Variants in DPH6 observed in about 807,000 individuals in gnomAD.
DPH6 encodes diphthamine biosynthesis 6, also known as diphthine--ammonia ligase.
DPH6 carries 33 observed loss-of-function variants against 38.2 expected under a neutral mutation model. That is an observed-to-expected ratio of 0.86 (90% confidence interval 0.65 to 1.15). The LOEUF (loss-of-function observed/expected upper bound fraction) is 1.15. DPH6 is among the 50% of genes most tolerant of loss of function. The pLI, the probability that DPH6 is intolerant of heterozygous loss-of-function variation, is 0.00. For missense variants in DPH6, 325 were observed against 320.0 expected (o/e 1.02, Z -0.12); for synonymous variants, 108 against 103.0 (o/e 1.05, Z -0.30).
chr15:35,351,233 G>A (rs1433509045), intron 3 of DPH6, among the ~76,000 whole-genome samples: 1 of 151,970 alleles, frequency 6.6e-6, no homozygotes, highest in Non-Finnish European at 1.5e-5. Context: ...CTGTCATTTG[G>A]TTACCATTAG....
chr15:35,204,738 T>C, the DPH6 span, among the ~76,000 whole-genome samples: 1 of 151,974 alleles, frequency 6.6e-6, no homozygotes, highest in African/African-American at 2.4e-5. Flanking sequence ...AAAGAAGTGA[T>C]ATAACATAGT....
At chr15:35,167,843 G>A in the DPH6 span, among the ~76,000 whole-genome samples, 1 of 152,016 alleles carries the variant, frequency 6.6e-6, no homozygotes, top group Non-Finnish European at 1.5e-5. Flanking sequence ...TGATGGGATT[G>A]TGGATAAGGG....
intron 6 of DPH6, among the ~76,000 whole-genome samples, chr15:35,393,067 A>T (rs1177001101): frequency 1.3e-5 from 2 of 152,204 alleles, no homozygotes; most frequent in Non-Finnish European, 2.9e-5. Context: ...ACCCACGGAG[A>T]GGTTTTAAGC....
At chr15:35,499,252 C>A (rs910357078) in intron 3 of DPH6, among the ~76,000 whole-genome samples, 1 of 152,146 alleles carries the variant, frequency 6.6e-6, no homozygotes, top group Non-Finnish European at 1.5e-5. Context: ...GAAGTTATGA[C>A]TAGAACCAAA....
intron 3 of DPH6, among the ~76,000 whole-genome samples, chr15:35,348,791 T>A (rs1479491651): frequency 6.6e-6 from 1 of 152,154 alleles, no homozygotes; most frequent in African/African-American, 2.4e-5. Context: ...CGGGATGTCT[T>A]CCCCTTTATT....
intron 5 of DPH6, among the ~76,000 whole-genome samples, chr15:35,435,943 CT>C (rs992411258): frequency 6.6e-6 from 1 of 151,752 alleles, no homozygotes; most frequent in Non-Finnish European, 1.5e-5. Context: ...CATTTTCCTT[CT>C]TTTTTTTGGG....
downstream of DPH6, among the ~76,000 whole-genome samples, chr15:35,214,017 CAGG>C (rs1399090528): frequency 6.6e-6 from 1 of 151,272 alleles, no homozygotes; most frequent in Non-Finnish European, 1.5e-5. Context: ...GAGGCTGAGG[CAGG>C]AGAATGGCGT....
intron 3 of DPH6, among the ~76,000 whole-genome samples, chr15:35,499,371 T>C (rs888600585): frequency 6.6e-6 from 1 of 152,202 alleles, no homozygotes; most frequent in Admixed American, 6.5e-5. Context: ...AATTAATCTT[T>C]TGGTTACAAA....
chr15:35,148,075 A>G, the DPH6 span, among the ~76,000 whole-genome samples: 1 of 152,244 alleles, frequency 6.6e-6, no homozygotes, highest in Admixed American at 6.5e-5. Context: ...GGTTATATTT[A>G]TCTACAATTA....
chr15:35,342,736 G>A (rs1057473387), intron 3 of DPH6, among the ~76,000 whole-genome samples: 33 of 152,260 alleles, frequency 2.2e-4, no homozygotes, highest in African/African-American at 7.5e-4. Context: ...ATATTTTCCT[G>A]TAAAACTAGC....
chr15:35,258,730 T>C (rs1253593308), intron 3 of DPH6, among the ~76,000 whole-genome samples: 3 of 152,300 alleles, frequency 2.0e-5, no homozygotes, highest in Admixed American at 6.5e-5. Flanking sequence ...TTTATAAAGT[T>C]TCCTAAGGAC....
chr15:35,509,392 T>C (rs1010948310), intron 3 of DPH6, among the ~76,000 whole-genome samples: 3 of 152,236 alleles, frequency 2.0e-5, no homozygotes, highest in African/African-American at 7.2e-5. Flanking sequence ...ACCTGAAAGA[T>C]TATTTTCAGT....
chr15:35,313,648 G>T (rs2052163019), intron 3 of DPH6, among the ~76,000 whole-genome samples: 1 of 151,724 alleles, frequency 6.6e-6, no homozygotes, highest in Non-Finnish European at 1.5e-5. Flanking sequence ...GTTTGTTGTT[G>T]GTGTATATAA....
intron 3 of DPH6, among the ~76,000 whole-genome samples, chr15:35,465,666 T>C (rs1451702811): frequency 6.6e-6 from 1 of 152,154 alleles, no homozygotes; most frequent in Admixed American, 6.5e-5. Flanking sequence ...GTTTTTTTCT[T>C]AAAATCATCA....
chr15:35,367,255 A>G (rs2052669317), downstream of DPH6, among the ~76,000 whole-genome samples: 1 of 151,904 alleles, frequency 6.6e-6, no homozygotes, highest in African/African-American at 2.4e-5. Flanking sequence ...AAAGTAGGGA[A>G]CATTAATAAA....
intron 4 of DPH6, among the ~76,000 whole-genome samples, chr15:35,453,743 AT>A (rs1260957557): frequency 1.3e-5 from 2 of 151,778 alleles, no homozygotes; most frequent in African/African-American, 2.4e-5. Flanking sequence ...AAAATTCTGT[AT>A]TTTTTTTAAC....
In DPH6 at chr15:35,381,864, G is replaced by A. The variant is rs974276367; in HGVS notation, c.620C>T (p.Thr207Ile). The A allele has an allele frequency of 1.2e-6, 2 of 1,613,680 alleles. No individual in the cohort carries two copies. Among genetic ancestry groups the A allele is most frequent in the Non-Finnish European group, 1.7e-6 (2 of 1,179,736 alleles). Residue 207 changes from threonine (T) to isoleucine (I), a missense_variant, in exon 7 of 9, where the codon ACT becomes ATT. Thr to Ile is a moderately conservative substitution (Grantham distance 89). Transcript: ENST00000256538. ...HVCGEGGEYE[T>I]FTLDCPLFKK... The stretch of plus-strand genomic sequence containing the variant: ...AAATAGAGGGCAATCCAAAGTGAAA[G>A]TTTCATACTCTCCACCTTCTCCACA...
chr15:35,411,232 T>C (rs1217091903), intron 5 of DPH6, among the ~76,000 whole-genome samples: 1 of 151,766 alleles, frequency 6.6e-6, no homozygotes, highest in African/African-American at 2.4e-5. Context: ...TAATTCTTTA[T>C]ATTTTAATGG....
Position 35,452,162 on chromosome 15 carries a change from TACC to T in DPH6, c.387-1362_387-1360del, listed in dbSNP as rs1191466434. 7.2e-5 allele frequency among the ~76,000 whole-genome samples: 3 copies of T among 41,502 alleles called. No individual in the cohort carries two copies. In the East Asian group the frequency reaches 2.3e-3, roughly 32 times the overall value. 27.2% of individuals were successfully genotyped at this position (41,502 alleles called of 152,430 possible). ...TACTTATTCTCTTCTCACTCCATCC[TACC>T]ACTCACTGCTGCCTGCTCATTCTTG... is the stretch of plus-strand genomic sequence containing the variant. On this transcript the variant is annotated intron_variant, in intron 4 of 8. Coordinates refer to ENST00000256538, the MANE Select transcript of DPH6 (RefSeq NM_080650.4).
Sources: gnomAD v4.1 joint callset for allele counts (sites outside exome capture counted in the v4.1 genomes callset) on GRCh38, gnomAD v4.1.1 for gene constraint, MANE v1.5 for transcripts, NCBI Gene and HGNC (gene_info 2026-07-23, HGNC 2026-07-21) for gene names.